Variants in TGFBR3 observed in about 807,000 individuals in gnomAD.
TGFBR3 encodes transforming growth factor beta receptor 3.
Under a neutral mutation model 87.9 loss-of-function variants are expected in TGFBR3, and 46 were observed. That is an observed-to-expected ratio of 0.52 (90% CI 0.41 to 0.67). The LOEUF (loss-of-function observed/expected upper bound fraction) is 0.67, where lower values mean the gene tolerates loss of function less well. TGFBR3 is among the 30% of genes least tolerant of loss of function. The pLI is 0.00. For missense variants in TGFBR3, 866 were observed against 1,041.9 expected (o/e 0.83, Z 2.32); for synonymous variants, 381 against 391.6 (o/e 0.97, Z 0.32).
chr1:91,755,996 G>C (rs538993189), intron 4 of TGFBR3, among the ~76,000 whole-genome samples: 6 of 152,168 alleles, frequency 3.9e-5, no homozygotes, highest in Non-Finnish European at 8.8e-5. Context: ...CATTTTATAT[G>C]TGATCTCACT....
intron 14 of TGFBR3, among the ~76,000 whole-genome samples, chr1:91,702,762 T>C (rs1379299026): frequency 2.0e-5 from 3 of 152,144 alleles, no homozygotes; most frequent in Non-Finnish European, 4.4e-5. Flanking sequence ...TGTAAAATAC[T>C]GGCCGGGAGC....
intron 2 of TGFBR3, among the ~76,000 whole-genome samples, chr1:91,860,128 T>A (rs956538838): frequency 2.0e-5 from 3 of 152,228 alleles, no homozygotes; most frequent in African/African-American, 7.2e-5. Flanking sequence ...TCTTCCACTT[T>A]CCAGCTACAT....
intron 4 of TGFBR3, among the ~76,000 whole-genome samples, chr1:91,735,985 C>G (rs2100828549): frequency 1.3e-5 from 2 of 152,236 alleles, no homozygotes; most frequent in Middle Eastern, 3.4e-3. Context: ...GACTAAGAAG[C>G]AAGTCGAGGG....
chr1:91,795,208 A>C (rs1342747656), intron 3 of TGFBR3, among the ~76,000 whole-genome samples: 1 of 152,240 alleles, frequency 6.6e-6, no homozygotes, highest in African/African-American at 2.4e-5. Flanking sequence ...AACTACAACC[A>C]TCTAATTCTT....
At chr1:91,863,472 A>T (rs1222833264) in intron 1 of TGFBR3, among the ~76,000 whole-genome samples, 1 of 152,234 alleles carries the variant, frequency 6.6e-6, no homozygotes, top group Non-Finnish European at 1.5e-5. Context: ...GTTAATATAC[A>T]TACACAATGC....
chr1:91,822,267 G>A (rs1325960452), intron 2 of TGFBR3, among the ~76,000 whole-genome samples: 1 of 137,646 alleles, frequency 7.3e-6, no homozygotes, highest in East Asian at 2.1e-4. Flanking sequence ...CCTAGTGCCC[G>A]CTGTAGGCTG....
intron 4 of TGFBR3, among the ~76,000 whole-genome samples, chr1:91,750,114 C>A (rs779618572): frequency 6.6e-6 from 1 of 152,184 alleles, no homozygotes. Flanking sequence ...GCAACCCATG[C>A]CTGCACACAG....
At chr1:91,855,852 T>TC (rs1491307129) in intron 2 of TGFBR3, among the ~76,000 whole-genome samples, 1 of 152,104 alleles carries the variant, frequency 6.6e-6, no homozygotes, top group Non-Finnish European at 1.5e-5. Context: ...TTAGATAATT[T>TC]CTTTTTTTTT....
intron 2 of TGFBR3, among the ~76,000 whole-genome samples, chr1:91,808,251 A>AC (rs1675908756): frequency 6.6e-6 from 1 of 152,118 alleles, no homozygotes; most frequent in Non-Finnish European, 1.5e-5. Flanking sequence ...AAATAACCAG[A>AC]CCCCCATCTC....
chr1:91,885,729 C>G (rs1354660344), intron 1 of TGFBR3, 149 bp downstream of exon 1: 1 of 184,714 alleles, frequency 5.4e-6, no homozygotes. Flanking sequence ...CAGCGCCTCC[C>G]TCCCAAGGCC....
At chr1:91,750,244 C>A (rs771330665) in intron 4 of TGFBR3, among the ~76,000 whole-genome samples, 3 of 152,214 alleles carry the variant, frequency 2.0e-5, no homozygotes, top group Non-Finnish European at 4.4e-5. Context: ...ACGGGCCATT[C>A]ACTCACTCAC....
chr1:91,724,551 A>G (rs377124262), intron 7 of TGFBR3, among the ~76,000 whole-genome samples: 4 of 152,350 alleles, frequency 2.6e-5, no homozygotes, highest in Admixed American at 2.0e-4. Context: ...TTCCAGATTA[A>G]ATCTAGGAGC....
chr1:91,894,770 G>A (rs1040831573), intron 2 of TGFBR3, among the ~76,000 whole-genome samples: 2 of 152,098 alleles, frequency 1.3e-5, no homozygotes, highest in African/African-American at 4.8e-5. Context: ...CTTCTCTGTT[G>A]AGACACTCTC....
chr1:91,770,478 G>A (rs1386470755), intron 3 of TGFBR3, among the ~76,000 whole-genome samples: 1 of 152,082 alleles, frequency 6.6e-6, no homozygotes, highest in Non-Finnish European at 1.5e-5. Context: ...CAAATATAGA[G>A]TATAGTAACT....
chr1:91,888,407 C>A (rs937690891), upstream of TGFBR3, among the ~76,000 whole-genome samples: 1 of 152,216 alleles, frequency 6.6e-6, no homozygotes, highest in Non-Finnish European at 1.5e-5. Context: ...TTTAATCCCA[C>A]ATTTAAATGC....
intron 3 of TGFBR3, among the ~76,000 whole-genome samples, chr1:91,773,492 C>G (rs1674458590): frequency 1.3e-5 from 2 of 151,994 alleles, no homozygotes; most frequent in South Asian, 2.1e-4. Context: ...CCAGCCTGGC[C>G]AATATGGTGA....
At chr1:91,832,430 C>A (rs2101089550) in intron 2 of TGFBR3, among the ~76,000 whole-genome samples, 1 of 152,204 alleles carries the variant, frequency 6.6e-6, no homozygotes, top group Non-Finnish European at 1.5e-5. Context: ...ACATTATTAT[C>A]TATGGAGTGT....
intron 3 of TGFBR3, among the ~76,000 whole-genome samples, chr1:91,789,250 T>A (rs758514370): frequency 1.3e-5 from 2 of 152,010 alleles, no homozygotes; most frequent in Non-Finnish European, 2.9e-5. Flanking sequence ...GAGGTTGCAG[T>A]GAGCCAAGAT....
chr1:91,789,035 C>T (rs573442937), intron 3 of TGFBR3, among the ~76,000 whole-genome samples: 35 of 152,256 alleles, frequency 2.3e-4, no homozygotes, highest in Admixed American at 1.7e-3. Context: ...CGGTGGCTCA[C>T]GCCTGTAATC....
Sources: gnomAD v4.1 joint callset for allele counts (sites outside exome capture counted in the v4.1 genomes callset) on GRCh38, gnomAD v4.1.1 for gene constraint, MANE v1.5 for transcripts, NCBI Gene and HGNC (gene_info 2026-07-23, HGNC 2026-07-21) for gene names.